Variants in HMGB1 observed in about 807,000 individuals in gnomAD.
HMGB1 encodes high mobility group box 1.
For synonymous variants in HMGB1, 81 were observed against 84.0 expected, an observed-to-expected ratio of 0.96 and a Z score of 0.19; for missense variants, 79 against 253.5, an observed-to-expected ratio of 0.31 and a Z score of 4.67.
In HMGB1 at chr13:30,522,910, C is replaced by T. The variant is rs553781663; in HGVS notation, c.-14-59216G>A. Reference sequence around the variant, plus strand: ...TTTGTATTTTTAGTAGACAGGGTTTCGCCATACTGCCCAGGGTGGTCTAGA... The same window carrying T: ...TTTGTATTTTTAGTAGACAGGGTTTTGCCATACTGCCCAGGGTGGTCTAGA... On this transcript the variant is annotated intron_variant, in intron 1 of 4. Coordinates refer to the HMGB1 transcript ENST00000405805. 1.1e-4 allele frequency among the ~76,000 whole-genome samples: 17 copies of T among 152,134 alleles called. No individual in the cohort carries two copies. In the South Asian group the frequency reaches 1.7e-3, roughly 15 times the overall value.
chr13:30,609,236 G>C (rs1414322259), intron 1 of HMGB1, among the ~76,000 whole-genome samples: 1 of 152,150 alleles, frequency 6.6e-6, no homozygotes, highest in African/African-American at 2.4e-5. Flanking sequence ...CTCCAGCCTG[G>C]GTGACAGAGC....
chr13:30,464,671 G>C (rs957269935), intron 1 of HMGB1: 30 of 980,372 alleles, frequency 3.1e-5, no homozygotes, highest in Non-Finnish European at 3.3e-5. Context: ...CGCCGGGGCC[G>C]GCGCGCACGG....
intron 1 of HMGB1, among the ~76,000 whole-genome samples, chr13:30,475,526 A>G (rs1490666642): frequency 3.1e-5 from 3 of 95,852 alleles, no homozygotes; most frequent in African/African-American, 1.1e-4. Context: ...GACCATCTCT[A>G]AAAAAAAAAA....
chr13:30,486,485 G>A (rs1429546666), intron 1 of HMGB1, among the ~76,000 whole-genome samples: 2 of 152,198 alleles, frequency 1.3e-5, no homozygotes, highest in South Asian at 2.1e-4. Flanking sequence ...AAAATCTACT[G>A]CTGCCACAGC....
At chr13:30,484,467 A>C (rs1182287277) in intron 1 of HMGB1, among the ~76,000 whole-genome samples, 3 of 152,224 alleles carry the variant, frequency 2.0e-5, no homozygotes, top group African/African-American at 7.2e-5. Flanking sequence ...CTGAAGTAGG[A>C]TCTTCACCAC....
chr13:30,467,287 CAG>C (rs1886815789), upstream of HMGB1, among the ~76,000 whole-genome samples: 1 of 152,168 alleles, frequency 6.6e-6, no homozygotes, highest in Non-Finnish European at 1.5e-5. Flanking sequence ...CCAAATGTAA[CAG>C]ATCAAATTTG....
At chr13:30,603,319 C>A (rs1160838344) in intron 1 of HMGB1, among the ~76,000 whole-genome samples, 1 of 152,136 alleles carries the variant, frequency 6.6e-6, no homozygotes, top group Non-Finnish European at 1.5e-5. Context: ...AACTACCTGA[C>A]GGCAGAATCT....
chr13:30,517,571 T>C (rs1252050285), intron 1 of HMGB1, among the ~76,000 whole-genome samples: 1 of 152,140 alleles, frequency 6.6e-6, no homozygotes, highest in Non-Finnish European at 1.5e-5. Context: ...TTTTTGTATT[T>C]TTAGTAGAGA....
chr13:30,578,695 C>A (rs1237008923), intron 1 of HMGB1, among the ~76,000 whole-genome samples: 1 of 152,124 alleles, frequency 6.6e-6, no homozygotes, highest in Non-Finnish European at 1.5e-5. Flanking sequence ...GAAAGTCTAA[C>A]CTCCTTAGCA....
At chr13:30,573,428 A>G (rs1201195227) in intron 1 of HMGB1, among the ~76,000 whole-genome samples, 1 of 152,254 alleles carries the variant, frequency 6.6e-6, no homozygotes, top group African/African-American at 2.4e-5. Flanking sequence ...AAAAAATGAG[A>G]GAATTGTTTC....
rs538239218 is a variant in HMGB1, at chr13:30,474,889, G to A, written c.-14-11195C>T. 7.1e-4 allele frequency among the ~76,000 whole-genome samples: 91 copies of A among 128,776 alleles called. 1 individual carries two copies. Among genetic ancestry groups the A allele is most frequent in the Middle Eastern group, 0.01 (2 of 196 alleles). 84.5% of individuals were successfully genotyped at this position (128,776 alleles called of 152,430 possible). The stretch of plus-strand genomic sequence containing the variant: ...TTTTGAGACAGGGTCTTGCTCTTTC[G>A]CCTAGGCTGGAGTGCAATGGTGCAA... On this transcript the variant is annotated intron_variant, in intron 1 of 4. Transcript: ENST00000405805.
chr13:30,477,180 C>A (rs990542446), intron 1 of HMGB1, among the ~76,000 whole-genome samples: 2 of 152,202 alleles, frequency 1.3e-5, no homozygotes, highest in Admixed American at 6.5e-5. Flanking sequence ...AGTTCACATT[C>A]TTGGCTTTCA....
chr13:30,533,418 G>A (rs1888541117), intron 1 of HMGB1, among the ~76,000 whole-genome samples: 1 of 152,222 alleles, frequency 6.6e-6, no homozygotes, highest in Non-Finnish European at 1.5e-5. Context: ...AGGCCAGAGT[G>A]CAGAGGTGTG....
intron 1 of HMGB1, among the ~76,000 whole-genome samples, chr13:30,599,240 G>T (rs912386554): frequency 2.0e-4 from 30 of 152,154 alleles, no homozygotes; most frequent in African/African-American, 7.2e-4. Context: ...AGGCCAAGGT[G>T]GGCGGATCAC....
intron 1 of HMGB1, among the ~76,000 whole-genome samples, chr13:30,482,254 C>G (rs893370078): frequency 8.5e-5 from 13 of 152,210 alleles, no homozygotes; most frequent in Admixed American, 1.3e-4. Context: ...CCCTCCTCCT[C>G]TCCCTTTCTC....
At chr13:30,519,561 G>C (rs1226831315) in intron 1 of HMGB1, among the ~76,000 whole-genome samples, 3 of 150,278 alleles carry the variant, frequency 2.0e-5, no homozygotes, top group African/African-American at 4.9e-5. Context: ...TTAGCCAGGC[G>C]TGGTGGCGGG....
At chr13:30,483,224 T>A (rs1402972160) in intron 1 of HMGB1, among the ~76,000 whole-genome samples, 1 of 152,004 alleles carries the variant, frequency 6.6e-6, no homozygotes, top group Non-Finnish European at 1.5e-5. Flanking sequence ...CCCACTCCAT[T>A]CTGCATCCAC....
At chr13:30,592,735 T>C (rs1418278448) in intron 1 of HMGB1, among the ~76,000 whole-genome samples, 4 of 152,126 alleles carry the variant, frequency 2.6e-5, no homozygotes, top group African/African-American at 9.7e-5. Flanking sequence ...ACCAGGACCA[T>C]AGCATCAGAA....
intron 1 of HMGB1, among the ~76,000 whole-genome samples, chr13:30,486,728 G>C (rs1374050910): frequency 6.6e-6 from 1 of 152,080 alleles, no homozygotes; most frequent in Non-Finnish European, 1.5e-5. Flanking sequence ...TAGAGTGAAC[G>C]GGATTCCTAT....
Sources: gnomAD v4.1 joint callset for allele counts (sites outside exome capture counted in the v4.1 genomes callset) on GRCh38, gnomAD v4.1.1 for gene constraint, MANE v1.5 for transcripts, NCBI Gene and HGNC (gene_info 2026-07-23, HGNC 2026-07-21) for gene names.